Variants in DOP1B observed in about 807,000 individuals in gnomAD.
DOP1B encodes the protein protein DOP1B.
Under a neutral mutation model 233.5 loss-of-function variants are expected in DOP1B, and 174 were observed. The observed-to-expected ratio is 0.75, with a 90% confidence interval of 0.66 to 0.85. The LOEUF (loss-of-function observed/expected upper bound fraction) is 0.85, where lower values mean the gene tolerates loss of function less well. Ranked by LOEUF, DOP1B falls within the 40% of genes least tolerant of loss-of-function variation. The pLI, the probability that DOP1B is intolerant of heterozygous loss-of-function variation, is 0.00. For missense variants in DOP1B, 2,652 were observed against 2,846.6 expected (o/e 0.93, Z 1.56); for synonymous variants, 1,190 against 1,185.6 (o/e 1.00, Z -0.08).
In DOP1B at chr21:36,292,251, C is replaced by CTT. The variant is rs758803291; in HGVS notation, c.6645+21_6645+22dup. 2 of 1,408,374 alleles carry CTT rather than the reference C, an allele frequency of 1.4e-6. No homozygotes were observed. The highest frequency in any genetic ancestry group is 2.7e-5 in the Admixed American group (1 of 36,930). The allele number at this position is 1,408,374 out of a possible 1,614,324, so 87.2% of individuals were successfully genotyped here. A position where few individuals can be genotyped will look rare whatever the true frequency, so the allele number is the denominator to read the frequency against. On this transcript the variant is annotated intron_variant, in intron 36 of 36. Transcript: ENST00000691173. ...AGTTTGGGGTAAGTGCTTTTCTTTTCTTTTCTTTTTTTTTTTTTTTGGTGA... is the reference window on the plus strand; with the variant it reads ...AGTTTGGGGTAAGTGCTTTTCTTTTCTTTTTTCTTTTTTTTTTTTTTTGGTGA...
At chr21:36,237,525 A>C in intron 16 of DOP1B, 111 bp downstream of exon 16, 2 of 1,335,104 alleles carry the variant, frequency 1.5e-6, no homozygotes, top group Non-Finnish European at 2.1e-6. Context: ...CTGAGTGGAC[A>C]TCGTGATTAA....
At chr21:36,257,442 T>A (rs1214461584) in intron 23 of DOP1B, among the ~76,000 whole-genome samples, 1 of 152,184 alleles carries the variant, frequency 6.6e-6, no homozygotes, top group Non-Finnish European at 1.5e-5. Flanking sequence ...CACTGCTTCC[T>A]CCAGGGTGTG....
In DOP1B at chr21:36,230,606, C is replaced by G. The variant is rs751197325; in HGVS notation, c.1822C>G (p.Arg608Gly). Residue 608 changes from arginine to glycine, a missense_variant, in exon 14 of 37, where the codon CGA becomes GGA. Physicochemically the swap from Arg to Gly is moderately radical, Grantham distance 125 (BLOSUM62 -2). Transcript: ENST00000691173. Reference protein sequence around the residue: ...PELSEHLRVPRVSLERDDVWK... With the variant: ...PELSEHLRVPGVSLERDDVWK... ...GCTCTCTGAGCACTTGAGGGTTCCT[C>G]GAGTTTCTCTGGAAAGGGACGACGT... The G allele has an allele frequency of 1.2e-6, 2 of 1,614,138 alleles. No individual in the cohort carries two copies. Among genetic ancestry groups the G allele is most frequent in the African/African-American group, 1.3e-5 (1 of 75,018 alleles).
intron 27 of DOP1B, among the ~76,000 whole-genome samples, chr21:36,276,126 ATCCAAAGGGG>A (rs2067347379): frequency 6.6e-6 from 1 of 152,130 alleles, no homozygotes; most frequent in African/African-American, 2.4e-5. Context: ...AGGAGGGAGC[ATCCAAAGGGG>A]TCGTGCAGTT....
chr21:36,160,064 A>T (rs1429726094), intron 1 of DOP1B, among the ~76,000 whole-genome samples: 1 of 152,156 alleles, frequency 6.6e-6, no homozygotes, highest in Non-Finnish European at 1.5e-5. Context: ...GAGTGAACAG[A>T]CTGTGCACCA....
chr21:36,273,784 C>T (rs1375414540), intron 27 of DOP1B, among the ~76,000 whole-genome samples: 1 of 151,908 alleles, frequency 6.6e-6, no homozygotes, highest in African/African-American at 2.4e-5. Flanking sequence ...TGGTAGAAAG[C>T]ACACTAAGGG....
intron 23 of DOP1B, among the ~76,000 whole-genome samples, chr21:36,258,659 G>A (rs1569056441): frequency 6.6e-6 from 1 of 152,132 alleles, no homozygotes; most frequent in Non-Finnish European, 1.5e-5. Context: ...TCCAGCTCCT[G>A]GTCTCTTCCT....
chr21:36,266,857 A>G (rs1439904823), intron 26 of DOP1B, among the ~76,000 whole-genome samples: 1 of 152,214 alleles, frequency 6.6e-6, no homozygotes, highest in South Asian at 2.1e-4. Context: ...AAACATTTCC[A>G]CAATATCACA....
chr21:36,232,663 C>A, intron 14 of DOP1B, 141 bp from the exon 15 acceptor site: 3 of 1,116,056 alleles, frequency 2.7e-6, no homozygotes, highest in South Asian at 1.5e-5. Flanking sequence ...TAAGTCTCAC[C>A]AGCGGGAGGT....
chr21:36,199,205 A>G lies in DOP1B; in HGVS notation c.274A>G (p.Lys92Glu). The part of the protein sequence containing the change: ...KALETYEIIF[K>E]IVGTKWLAKD... The stretch of plus-strand genomic sequence containing the variant: ...TCTGGAAACCTACGAGATTATCTTT[A>G]AAATCGTGGGGACCAAATGGCTGGC... The change falls in exon 3 of 37, where the codon AAA becomes GAA. Residue 92 changes from lysine (K) to glutamate (E), a missense_variant. This residue lies in a region of DOP1B where 2,617 missense variants were observed against 2,794.3 expected (regional missense o/e 0.94). Transcript: ENST00000691173. The G allele has an allele frequency of 6.2e-7, 1 of 1,614,160 alleles. No individual in the cohort carries two copies. Among genetic ancestry groups the G allele is most frequent in the Non-Finnish European group, 8.5e-7 (1 of 1,180,020 alleles).
Position 36,245,286 on chromosome 21 carries a change from C to T in DOP1B, c.3306C>T (p.Gly1102=), listed in dbSNP as rs566489352. 39 of 1,614,104 alleles carry T rather than the reference C, an allele frequency of 2.4e-5. No homozygotes were observed. The highest frequency in any genetic ancestry group is 8.3e-5 in the Admixed American group (5 of 60,024). Reference sequence around the variant, plus strand: ...AGCTTCCAGACAGGACGGCCCACGGCGCCCCGGACAGCAGCGAGCACACCG... The same window carrying T: ...AGCTTCCAGACAGGACGGCCCACGGTGCCCCGGACAGCAGCGAGCACACCG... ...YVELPDRTAH[G]APDSSEHTES... The change falls in exon 19 of 37, where the codon GGC becomes GGT. Residue 1102 remains glycine, a synonymous_variant. Transcript: ENST00000691173. This position sits in a 1 kb window ranked among gnomAD's most constrained non-coding sequence, Gnocchi z 5.5.
At position 36,230,514 on chromosome 21, in the gene DOP1B, A is replaced by G; in HGVS notation, c.1730A>G (p.Glu577Gly). ...ACAAAGGCAGTGATTCCCGGTGACG[A>G]AGATGCTTCGTTTCCCCCTCTGAAG... is the stretch of plus-strand genomic sequence containing the variant. ...LETKAVIPGDEDASFPPLKSE... is the reference protein window; with the variant it reads ...LETKAVIPGDGDASFPPLKSE... Residue 577 changes from glutamate (E) to glycine (G), a missense_variant, in exon 14 of 37, where the codon GAA becomes GGA. Glu to Gly is a moderately conservative substitution (Grantham distance 98). Coordinates refer to ENST00000691173, the MANE Select transcript of DOP1B (RefSeq NM_001320714.2). 6.2e-7 allele frequency: 1 copy of G among 1,613,856 alleles called. No homozygotes were observed. Among genetic ancestry groups the G allele is most frequent in the African/African-American group, 1.3e-5 (1 of 75,052 alleles).
intron 23 of DOP1B, among the ~76,000 whole-genome samples, chr21:36,259,784 T>C (rs2067148171): frequency 6.6e-6 from 1 of 152,200 alleles, no homozygotes. Context: ...TTCTAGTCTT[T>C]CCTGGGCTAT....
intron 9 of DOP1B, among the ~76,000 whole-genome samples, chr21:36,215,482 CCT>C (rs2066548662): frequency 6.6e-6 from 1 of 151,968 alleles, no homozygotes; most frequent in Non-Finnish European, 1.5e-5. Context: ...CTCACTAAAA[CCT>C]CTGTCTCCTG....
intron 2 of DOP1B, among the ~76,000 whole-genome samples, chr21:36,171,654 G>C (rs2065972742): frequency 6.6e-6 from 1 of 152,192 alleles, no homozygotes; most frequent in Non-Finnish European, 1.5e-5. Flanking sequence ...AGCAGCGGGG[G>C]GAGAGGCACG....
chr21:36,251,576 C>A (rs904742460), intron 22 of DOP1B, among the ~76,000 whole-genome samples: 2 of 152,194 alleles, frequency 1.3e-5, no homozygotes, highest in Non-Finnish European at 2.9e-5. Flanking sequence ...CCCGCCACCA[C>A]ACCCGGCTAA....
chr21:36,203,761 G>A (rs2066398462), intron 4 of DOP1B, among the ~76,000 whole-genome samples: 1 of 152,014 alleles, frequency 6.6e-6, no homozygotes, highest in African/African-American at 2.4e-5. Flanking sequence ...CCTGGTGTGT[G>A]CTTTTTAGTG....
At chr21:36,181,545 C>T (rs1893189588) in intron 2 of DOP1B, among the ~76,000 whole-genome samples, 1 of 152,206 alleles carries the variant, frequency 6.6e-6, no homozygotes, top group South Asian at 2.1e-4. Flanking sequence ...TCCCAAAGTG[C>T]TGGGATTACA....
chr21:36,284,978 A>G (rs987495132), intron 32 of DOP1B, among the ~76,000 whole-genome samples: 1 of 151,574 alleles, frequency 6.6e-6, no homozygotes, highest in African/African-American at 2.4e-5. Context: ...TTTATATTAT[A>G]TATTCAAATA....
Sources: allele counts gnomAD v4.1 joint callset (sites outside exome capture counted in the v4.1 genomes callset), GRCh38; gene constraint gnomAD v4.1.1; regional missense constraint gnomAD v4.1.1; non-coding constraint Gnocchi (gnomAD v3.1); transcripts MANE v1.5; gene names NCBI Gene and HGNC (gene_info 2026-07-23, HGNC 2026-07-21).